The following LRRIQ1 variants were observed in gnomAD, a reference collection of about 807,000 sequenced individuals.
LRRIQ1 encodes leucine-rich repeat- and IQ domain-containing protein 1.
Under a neutral mutation model 211.9 loss-of-function variants are expected in LRRIQ1, and 210 were observed. The observed-to-expected ratio is 0.99, with a 90% CI of 0.89 to 1.11. The LOEUF (loss-of-function observed/expected upper bound fraction) is 1.11. Among genes scored for constraint, LRRIQ1 ranks in the 50% most tolerant of loss-of-function variants. LRRIQ1 has a pLI of 0.00. For synonymous variants in LRRIQ1, 699 were observed against 650.1 expected, an observed-to-expected ratio of 1.08 and a Z score of -1.14; for missense variants, 2,136 against 1,939.5, an observed-to-expected ratio of 1.10 and a Z score of -1.90.
chr12:85,137,654 A>C lies in LRRIQ1; in HGVS notation c.4210-196A>C, dbSNP rs77919111. On this transcript the variant is annotated intron_variant, in intron 18 of 26. Coordinates refer to ENST00000393217, the MANE Select transcript of LRRIQ1 (RefSeq NM_001079910.2). Reference sequence around the variant, plus strand: ...TGCTTACTACAAGGAAAGTCTCCTGAGATTCAGAACTTTAGACACATGTCG... The same window carrying C: ...TGCTTACTACAAGGAAAGTCTCCTGCGATTCAGAACTTTAGACACATGTCG... Among the ~76,000 whole-genome samples, 279 of 151,760 alleles carry C rather than the reference A, an allele frequency of 1.8e-3. 7 individuals carry two copies. In the South Asian group the frequency reaches 0.029, roughly 16 times the overall value.
intron 24 of LRRIQ1, among the ~76,000 whole-genome samples, chr12:85,215,719 A>G (rs555755738): frequency 6.6e-6 from 1 of 152,314 alleles, no homozygotes; most frequent in Admixed American, 6.5e-5. Flanking sequence ...CAAACTGGAA[A>G]CAACCGATGT....
chr12:85,045,915 A>C (rs1879492873), intron 4 of LRRIQ1, 105 bp from the exon 5 acceptor site: 1 of 511,502 alleles, frequency 2.0e-6, no homozygotes, highest in Admixed American at 3.4e-5. Flanking sequence ...GGAGTACATT[A>C]AAATTCTTGG....
intron 19 of LRRIQ1, 69 bp from the exon 20 acceptor site, chr12:85,152,211 A>G (rs1194652436): frequency 2.3e-6 from 3 of 1,318,412 alleles, no homozygotes; most frequent in Non-Finnish European, 3.2e-6. Flanking sequence ...AGTCTATAAG[A>G]TGAATTAAAA....
chr12:85,267,453 A>G (rs1896447681), downstream of LRRIQ1, among the ~76,000 whole-genome samples: 1 of 152,094 alleles, frequency 6.6e-6, no homozygotes, highest in Non-Finnish European at 1.5e-5. Flanking sequence ...ATCTATAAGT[A>G]TGTAGCTATT....
intron 24 of LRRIQ1, among the ~76,000 whole-genome samples, chr12:85,170,589 T>G (rs1416714388): frequency 6.6e-5 from 10 of 151,402 alleles, no homozygotes; most frequent in Non-Finnish European, 1.3e-4. Flanking sequence ...ATGGTTAAAT[T>G]TTTAAATAGG....
chr12:85,219,051 C>G (rs538587964), intron 24 of LRRIQ1, among the ~76,000 whole-genome samples: 92 of 152,208 alleles, frequency 6.0e-4, no homozygotes, highest in Middle Eastern at 3.4e-3. Context: ...ACTTGTCCTA[C>G]TCACCTTACT....
At chr12:85,168,083 GA>G (rs1185466857) in intron 24 of LRRIQ1, among the ~76,000 whole-genome samples, 1 of 152,166 alleles carries the variant, frequency 6.6e-6, no homozygotes, top group Non-Finnish European at 1.5e-5. Context: ...AATGAAATAA[GA>G]AGAAAATACT....
At chr12:85,098,010 T>G (rs1214784468) in intron 11 of LRRIQ1, among the ~76,000 whole-genome samples, 1 of 152,162 alleles carries the variant, frequency 6.6e-6, no homozygotes, top group Non-Finnish European at 1.5e-5. Flanking sequence ...GGCTCTGGAA[T>G]GAGTTAAAAA....
At chr12:85,091,502 T>G (rs1020197319) in intron 11 of LRRIQ1, among the ~76,000 whole-genome samples, 1 of 152,184 alleles carries the variant, frequency 6.6e-6, no homozygotes, top group Non-Finnish European at 1.5e-5. Flanking sequence ...TTAGTTTAAT[T>G]AGGTCCCACT....
In LRRIQ1 at chr12:85,244,831, T is replaced by A. The variant is rs780875408; in HGVS notation, c.5059T>A (p.Ser1687Thr). The A allele has an allele frequency of 3.7e-6, 6 of 1,611,452 alleles. No homozygotes were observed. Among genetic ancestry groups the A allele is most frequent in the Non-Finnish European group, 8.5e-7 (1 of 1,178,280 alleles). Residue 1687 changes from serine to threonine, a missense_variant, in exon 27 of 27, where the codon TCC becomes ACC. Physicochemically the swap from Ser to Thr is moderately conservative, Grantham distance 58. Coordinates refer to ENST00000393217, the MANE Select transcript of LRRIQ1 (RefSeq NM_001079910.2). ...SREDTDLDLF[S>T]MTNGSALSVN... ...AGAAGACACGGATTTAGACCTTTTTTCCATGACCAATGGAAGTGCTTTGTC... is the reference window on the plus strand; with the variant it reads ...AGAAGACACGGATTTAGACCTTTTTACCATGACCAATGGAAGTGCTTTGTC...
At chr12:85,214,375 C>CA (rs1893978232) in intron 24 of LRRIQ1, among the ~76,000 whole-genome samples, 1 of 152,058 alleles carries the variant, frequency 6.6e-6, no homozygotes, top group Non-Finnish European at 1.5e-5. Flanking sequence ...TATGGAAATT[C>CA]AAAATCCACA....
intron 2 of LRRIQ1, 111 bp downstream of exon 2, chr12:85,038,419 C>A: frequency 1.6e-6 from 1 of 609,952 alleles, no homozygotes; most frequent in Non-Finnish European, 2.3e-6. Context: ...TTGTTATAAA[C>A]AATTTATATA....
At chr12:85,119,266 A>AT (rs1319485224) in intron 15 of LRRIQ1, among the ~76,000 whole-genome samples, 4 of 152,056 alleles carry the variant, frequency 2.6e-5, no homozygotes, top group Non-Finnish European at 1.5e-5. Context: ...TAGTATGTGA[A>AT]TTTTTTCATA....
chr12:85,261,820 GC>G (rs1418547570), intron 1 of LRRIQ1, among the ~76,000 whole-genome samples: 1 of 142,706 alleles, frequency 7.0e-6, no homozygotes, highest in East Asian at 2.1e-4. Flanking sequence ...ACGGAGTTTG[GC>G]TCTTGTTGTC....
rs1259964594 is a variant in LRRIQ1, at chr12:85,217,506, ATATGTGTGTGTGTGTGTGTG to A, written c.4823-12009_4823-11990del. Among the ~76,000 whole-genome samples, 49 of 69,840 alleles carry A rather than the reference ATATGTGTGTGTGTGTGTGTG, an allele frequency of 7.0e-4. 1 individual carries two copies. Among genetic ancestry groups the A allele is most frequent in the African/African-American group, 6.0e-3 (45 of 7,552 alleles). 45.8% of individuals were successfully genotyped at this position (69,840 alleles called of 152,430 possible). On this transcript the variant is annotated intron_variant, in intron 24 of 26. Transcript: ENST00000393217. ...TATATATATATGTATATATATATAT[ATATGTGTGTGTGTGTGTGTG>A]TGTGTGTGTGTGTGTGTGTGTGTGT...
Position 85,057,153 on chromosome 12 carries a change from T to C in LRRIQ1, c.2360T>C (p.Leu787Pro). The C allele has an allele frequency of 6.4e-7, 1 of 1,560,882 alleles. No individual in the cohort carries two copies. The highest frequency in any genetic ancestry group is 8.6e-7 in the Non-Finnish European group (1 of 1,159,922). Residue 787 changes from leucine to proline, a missense_variant, in exon 8 of 27, where the codon CTT becomes CCT. By Grantham distance (98) the Leu-to-Pro change is moderately conservative (BLOSUM62 -3). Coordinates refer to ENST00000393217, the MANE Select transcript of LRRIQ1 (RefSeq NM_001079910.2). ...CCCGCTTTGGATAAACTGGAAATTCTTCGATGTGGCCCTTGGGATACTTTA... is the reference window on the plus strand; with the variant it reads ...CCCGCTTTGGATAAACTGGAAATTCCTCGATGTGGCCCTTGGGATACTTTA... Reference protein sequence around the residue: ...MTPALDKLEILRCGPWDTLQQ... With the variant: ...MTPALDKLEIPRCGPWDTLQQ...
intron 13 of LRRIQ1, among the ~76,000 whole-genome samples, chr12:85,102,705 T>TTTG (rs145747725): frequency 2.0e-5 from 3 of 150,852 alleles, no homozygotes; most frequent in Non-Finnish European, 3.0e-5. Context: ...AATAAGAGAT[T>TTTG]TTGTTGTTGT....
chr12:85,153,819 CAGAT>C, intron 22 of LRRIQ1, 61 bp downstream of exon 22: 1 of 1,123,092 alleles, frequency 8.9e-7, no homozygotes, highest in Non-Finnish European at 1.3e-6. Flanking sequence ...AAGTCCAAGA[CAGAT>C]ACTTTTCAAG....
chr12:85,088,280 G>C (rs1235109080), intron 11 of LRRIQ1, among the ~76,000 whole-genome samples: 8 of 151,942 alleles, frequency 5.3e-5, no homozygotes, highest in Non-Finnish European at 1.2e-4. Flanking sequence ...ATTTCTGAGG[G>C]CTCTGTTCTG....
Sources: allele counts gnomAD v4.1 joint callset (sites outside exome capture counted in the v4.1 genomes callset), GRCh38; gene constraint gnomAD v4.1.1; transcripts MANE v1.5; gene names NCBI Gene and HGNC (gene_info 2026-07-23, HGNC 2026-07-21).